Variants in ASXL2 observed in about 807,000 individuals in gnomAD.
ASXL2 encodes the protein putative Polycomb group protein ASXL2.
ASXL2 carries 23 observed loss-of-function variants against 122.0 expected under a neutral mutation model. That is an observed-to-expected ratio of 0.19 (90% CI 0.14 to 0.27). The LOEUF (loss-of-function observed/expected upper bound fraction) is 0.27, where lower values mean the gene tolerates loss of function less well. ASXL2 is among the 10% of genes least tolerant of loss of function. ASXL2 has a pLI of 1.00. For missense variants in ASXL2, 1,518 were observed against 1,713.8 expected, an observed-to-expected ratio of 0.89 and a Z score of 2.02; for synonymous variants, 650 against 637.0, an observed-to-expected ratio of 1.02 and a Z score of -0.31.
At chr2:25,805,462 C>T (rs1337405966) in intron 4 of ASXL2, among the ~76,000 whole-genome samples, 1 of 151,732 alleles carries the variant, frequency 6.6e-6, no homozygotes, top group African/African-American at 2.4e-5. Flanking sequence ...AATCATATTT[C>T]TTTTTCCTGT....
rs1401716065 is a variant in ASXL2 at position 25,781,606 on chromosome 2, G to T, written c.404-10066C>A. On this transcript the variant is annotated intron_variant, in intron 5 of 12. Transcript: ENST00000435504. ...GGGTCTCACTCTGTCACCCAGCCTT[G>T]AATTCCTGGGCTCAAGGTATCCCCC... Among the ~76,000 whole-genome samples, 56 of 139,688 alleles carry T rather than the reference G, an allele frequency of 4.0e-4. 1 individual carries two copies. Among genetic ancestry groups the T allele is most frequent in the African/African-American group, 1.4e-3 (51 of 36,902 alleles). The allele number at this position is 139,688 out of a possible 152,430, so 91.6% of individuals were successfully genotyped here.
chr2:25,781,933 A>G (rs967681783), intron 5 of ASXL2, among the ~76,000 whole-genome samples: 8 of 143,450 alleles, frequency 5.6e-5, no homozygotes, highest in African/African-American at 1.8e-4. Flanking sequence ...AAGTGCTAGG[A>G]TAACAGGCGT....
At chr2:25,749,644 A>C in intron 12 of ASXL2, 52 bp downstream of exon 12, 1 of 1,417,044 alleles carries the variant, frequency 7.1e-7, no homozygotes, top group Non-Finnish European at 9.3e-7. Flanking sequence ...GTATGACCAA[A>C]AACATAGGGT....
chr2:25,791,226 C>T (rs1048501748), intron 5 of ASXL2, among the ~76,000 whole-genome samples: 5 of 152,102 alleles, frequency 3.3e-5, no homozygotes, highest in African/African-American at 1.2e-4. Context: ...TGGAGGCCTA[C>T]ACCTGTAATC....
At position 25,871,237 on chromosome 2, in the gene ASXL2, T is replaced by G. The variant is rs371954852; in HGVS notation, c.57+6929A>C. On this transcript the variant is annotated intron_variant, in intron 1 of 12. Coordinates refer to ENST00000435504, the MANE Select transcript of ASXL2 (RefSeq NM_018263.6). ...AGTTCTTTTGTAAACAGGACAAAGA[T>G]AGCAAGTTTAGTTATATCTTCCACA... Among the ~76,000 whole-genome samples the G allele has an allele frequency of 3.3e-5, 5 of 152,284 alleles. No individual in the cohort carries two copies. In the East Asian group the frequency reaches 5.8e-4, roughly 18 times the overall value.
intron 1 of ASXL2, among the ~76,000 whole-genome samples, chr2:25,849,921 T>A (rs946307586): frequency 6.6e-6 from 1 of 152,162 alleles, no homozygotes; most frequent in Non-Finnish European, 1.5e-5. Flanking sequence ...GAAAGAAAAA[T>A]GTTTTTCAAT....
intron 9 of ASXL2, among the ~76,000 whole-genome samples, chr2:25,757,197 T>C (rs537744925): frequency 6.6e-6 from 1 of 152,272 alleles, no homozygotes; most frequent in East Asian, 1.9e-4. Context: ...TTTTCATTCT[T>C]TAAACACTCT....
intron 3 of ASXL2, among the ~76,000 whole-genome samples, chr2:25,808,565 C>T (rs1199844522): frequency 1.3e-5 from 2 of 152,188 alleles, no homozygotes; most frequent in African/African-American, 4.8e-5. Context: ...CTCCTGACCT[C>T]AGGTGATCTG....
rs1239082466 is a variant in ASXL2 at position 25,821,197 on chromosome 2, AAAAT to A, written c.143+14337_143+14340del. On this transcript the variant is annotated intron_variant, in intron 3 of 12. Transcript: ENST00000435504. ...TCCGTCTCAAAAAGAAAAAATCAAA[AAAAT>A]AAATAAATAGCCAGGTGTGGTGGTG... Among the ~76,000 whole-genome samples, 4 of 152,146 alleles carry A rather than the reference AAAAT, an allele frequency of 2.6e-5. No individual in the cohort carries two copies. The East Asian group carries it at 7.7e-4, about 29-fold the overall frequency.
intron 3 of ASXL2, among the ~76,000 whole-genome samples, chr2:25,833,433 G>A (rs1014263259): frequency 2.0e-5 from 3 of 152,166 alleles, no homozygotes; most frequent in African/African-American, 7.2e-5. Flanking sequence ...GGTGGCTCAT[G>A]CCTGTAATCC....
intron 11 of ASXL2, among the ~76,000 whole-genome samples, chr2:25,752,295 T>C (rs901911621): frequency 6.6e-6 from 1 of 152,160 alleles, no homozygotes; most frequent in Non-Finnish European, 1.5e-5. Context: ...TCCATTACCA[T>C]CTATTTAAAT....
rs975426813 is a variant in ASXL2, at chr2:25,741,974, A to C, written c.*55T>G. On this transcript the variant is annotated 3_prime_UTR_variant, in exon 13 of 13. Transcript: ENST00000435504. ...GATTCCAAAAGGACGCAAAAAACCCAACTGGTCAACCCTTCCCTTCCCCCT... is the reference window on the plus strand; with the variant it reads ...GATTCCAAAAGGACGCAAAAAACCCCACTGGTCAACCCTTCCCTTCCCCCT... 6.6e-7 allele frequency: 1 copy of C among 1,523,028 alleles called. No individual in the cohort carries two copies. The highest frequency in any genetic ancestry group is 8.8e-7 in the Non-Finnish European group (1 of 1,130,636). The allele number at this position is 1,523,028 out of a possible 1,614,324, so 94.3% of individuals were successfully genotyped here. A position where few individuals can be genotyped will look rare whatever the true frequency, so the allele number is the denominator to read the frequency against.
chr2:25,870,943 A>G (rs934731483), intron 1 of ASXL2, among the ~76,000 whole-genome samples: 3 of 152,166 alleles, frequency 2.0e-5, no homozygotes, highest in Admixed American at 6.5e-5. Context: ...CTCATCTAGG[A>G]TTAACTCTTT....
intron 2 of ASXL2, among the ~76,000 whole-genome samples, chr2:25,844,015 T>G (rs6751807): frequency 1.3e-3 from 191 of 152,178 alleles, no homozygotes; most frequent in African/African-American, 4.2e-3. Context: ...CAATGCAAAT[T>G]TAGCATTCCT....
In ASXL2 at chr2:25,742,603, T is replaced by A. The variant is rs2087850776; in HGVS notation, c.3734A>T (p.Lys1245Met). 3 of 1,613,886 alleles carry A rather than the reference T, an allele frequency of 1.9e-6. No homozygotes were observed. In the African/African-American group the frequency reaches 4.0e-5, roughly 22 times the overall value. Residue 1245 changes from lysine (K) to methionine (M), a missense_variant, in exon 13 of 13, where the codon AAG (lysine) becomes ATG (methionine). Around this residue, in one of 8 missense-constraint regions of ASXL2, gnomAD observed 831 missense variants for 833.1 expected, o/e 1.00. Transcript: ENST00000435504. ...IPLNEQTTLS[K>M]ENYLFTRGQT... ...GCCTCTAGTGAACAGGTAATTCTCC[T>A]TACTTAAAGTGGTTTGCTCATTCAA...
intron 1 of ASXL2, among the ~76,000 whole-genome samples, chr2:25,872,387 G>GAA (rs1277474180): frequency 2.0e-5 from 3 of 147,668 alleles, no homozygotes. Context: ...GTCTCAAGGA[G>GAA]AAAAAAAAAA....
chr2:25,762,665 GAAAAAAAA>G (rs60065368), intron 8 of ASXL2, among the ~76,000 whole-genome samples: 14 of 34,268 alleles, frequency 4.1e-4, no homozygotes, highest in Middle Eastern at 0.021. Context: ...ACTCTTTCTC[GAAAAAAAA>G]AAAAAAAAAA....
intron 3 of ASXL2, chr2:25,810,338 G>A: frequency 1.5e-6 from 1 of 661,100 alleles, no homozygotes; most frequent in South Asian, 1.4e-5. Flanking sequence ...CTTTGAGTTG[G>A]ATTTCCTGGA....
chr2:25,824,708 T>C (rs1176129429), intron 3 of ASXL2, among the ~76,000 whole-genome samples: 1 of 152,210 alleles, frequency 6.6e-6, no homozygotes, highest in Non-Finnish European at 1.5e-5. Context: ...GTAGCACTTG[T>C]AGCAAAATTA....
Sources: gnomAD v4.1 joint callset for allele counts (sites outside exome capture counted in the v4.1 genomes callset) on GRCh38, gnomAD v4.1.1 for gene constraint, gnomAD v4.1.1 regional missense constraint, MANE v1.5 for transcripts, NCBI Gene and HGNC (gene_info 2026-07-23, HGNC 2026-07-21) for gene names.